COL4A1: variants seen among roughly 807,000 people sequenced by gnomAD.
COL4A1 encodes collagen alpha-1(IV) chain.
A neutral mutation model predicts 216.6 loss-of-function variants in COL4A1; 40 were observed. The observed-to-expected ratio is 0.18, with a 90% confidence interval of 0.14 to 0.24. The LOEUF (loss-of-function observed/expected upper bound fraction) is 0.24. Among genes scored for constraint, COL4A1 ranks in the 10% least tolerant of loss-of-function variants. The pLI, the probability that COL4A1 is intolerant of heterozygous loss-of-function variation, is 1.00. For missense variants in COL4A1, 1,628 were observed against 2,196.8 expected (o/e 0.74, Z 5.18); for synonymous variants, 839 against 810.7 (o/e 1.03, Z -0.59).
chr13:110,180,140 C>A (rs1878078473), intron 29 of COL4A1, among the ~76,000 whole-genome samples: 1 of 152,140 alleles, frequency 6.6e-6, no homozygotes, highest in African/African-American at 2.4e-5. Flanking sequence ...AGGAAATTCT[C>A]AAAATGGAAC....
At chr13:110,164,749 T>G (rs570266644) in intron 46 of COL4A1, 113 bp downstream of exon 46, 1 of 1,415,078 alleles carries the variant, frequency 7.1e-7, no homozygotes, top group Non-Finnish European at 9.5e-7. Context: ...TATTCATATG[T>G]GTGTGTATAA....
intron 1 of COL4A1, among the ~76,000 whole-genome samples, chr13:110,296,608 A>C (rs536504045): frequency 5.9e-5 from 9 of 152,342 alleles, no homozygotes; most frequent in Non-Finnish European, 7.3e-5. Context: ...CAAGCAAGCA[A>C]TCATTTCTTC....
chr13:110,189,216 A>C (rs1878527251), intron 24 of COL4A1, among the ~76,000 whole-genome samples: 1 of 152,218 alleles, frequency 6.6e-6, no homozygotes, highest in Non-Finnish European at 1.5e-5. Flanking sequence ...GGCATACGCC[A>C]CCACACCCAG....
At chr13:110,289,243 C>A (rs998823887) in intron 1 of COL4A1, among the ~76,000 whole-genome samples, 2 of 152,182 alleles carry the variant, frequency 1.3e-5, no homozygotes, top group Non-Finnish European at 2.9e-5. Flanking sequence ...CGCACCTAAG[C>A]CTGGAGGTAG....
chr13:110,166,473 A>T (rs181217810), intron 44 of COL4A1, among the ~76,000 whole-genome samples, 170 bp from the exon 45 acceptor site: 142 of 152,378 alleles, frequency 9.3e-4, no homozygotes, highest in African/African-American at 3.2e-3. Flanking sequence ...ACACATTCAT[A>T]CACCTGCTTA....
chr13:110,231,130 G>A lies in COL4A1; in HGVS notation c.144+11545C>T, dbSNP rs73613415. Among the ~76,000 whole-genome samples the A allele has an allele frequency of 3.2e-3, 486 of 152,356 alleles. 2 individuals are homozygous for A. Among genetic ancestry groups the A allele is most frequent in the African/African-American group, 0.011 (463 of 41,588 alleles). On this transcript the variant is annotated intron_variant, in intron 2 of 51. Coordinates refer to ENST00000375820, the MANE Select transcript of COL4A1 (RefSeq NM_001845.6). ...AGCCCGCGTGGTGAGGAGACAGTCA[G>A]TGTGGGAACAAGATCCACCGAGGTG...
intron 50 of COL4A1, among the ~76,000 whole-genome samples, chr13:110,154,098 T>A (rs1007501514): frequency 1.3e-5 from 2 of 152,228 alleles, no homozygotes; most frequent in Admixed American, 6.5e-5. Context: ...TAATAAATAA[T>A]GTTCATCTGT....
chr13:110,194,493 C>T (rs900462576), intron 22 of COL4A1, among the ~76,000 whole-genome samples: 11 of 152,012 alleles, frequency 7.2e-5, no homozygotes, highest in Admixed American at 5.9e-4. Flanking sequence ...GTGTCCTGTG[C>T]GGGTAGTAAG....
intron 1 of COL4A1, among the ~76,000 whole-genome samples, chr13:110,285,016 C>T (rs1460656985): frequency 1.3e-5 from 2 of 152,208 alleles, no homozygotes; most frequent in Non-Finnish European, 2.9e-5. Context: ...TGTAGCGAGG[C>T]ACATGCCCTC....
chr13:110,192,085 G>A lies in COL4A1; in HGVS notation c.1536+129C>T, dbSNP rs567072024. ...CGCATGGAGTCACTCCAGAGGGCTC[G>A]ACACAGCAACACTTACCAGCTCCCA... is the stretch of plus-strand genomic sequence containing the variant. On this transcript the variant is annotated intron_variant, in intron 24 of 51. Transcript: ENST00000375820. 183 of 943,708 alleles carry A rather than the reference G, an allele frequency of 1.9e-4. 1 individual carries two copies. The African/African-American group carries it at 2.5e-3, about 13-fold the overall frequency. The allele number at this position is 943,708 out of a possible 1,614,324, so 58.5% of individuals were successfully genotyped here.
chr13:110,293,859 T>C (rs775719367), intron 1 of COL4A1, among the ~76,000 whole-genome samples: 3 of 152,204 alleles, frequency 2.0e-5, no homozygotes, highest in Non-Finnish European at 4.4e-5. Context: ...TTCGCCAACA[T>C]ATTTTGCCAA....
intron 1 of COL4A1, among the ~76,000 whole-genome samples, chr13:110,247,670 C>T (rs1263660718): frequency 1.3e-5 from 2 of 151,690 alleles, no homozygotes; most frequent in Non-Finnish European, 3.0e-5. Context: ...ACCAAGAGGG[C>T]GCTCTTCTCA....
chr13:110,275,636 C>T (rs1284662543), intron 1 of COL4A1, among the ~76,000 whole-genome samples: 2 of 152,154 alleles, frequency 1.3e-5, no homozygotes, highest in African/African-American at 4.8e-5. Flanking sequence ...TGCCAACGCT[C>T]GGGGGCAACC....
chr13:110,191,535 T>C (rs1878626066), intron 24 of COL4A1: 2 of 581,872 alleles, frequency 3.4e-6, no homozygotes, highest in Admixed American at 3.2e-5. Flanking sequence ...TGCTCTTCTA[T>C]TTAGTGGATT....
chr13:110,219,438 A>T (rs1697506909), intron 2 of COL4A1, among the ~76,000 whole-genome samples: 1 of 152,050 alleles, frequency 6.6e-6, no homozygotes, highest in Non-Finnish European at 1.5e-5. Flanking sequence ...ATCATGCATA[A>T]AAAGCGTGGC....
At chr13:110,261,204 T>A (rs987966970) in intron 1 of COL4A1, among the ~76,000 whole-genome samples, 5 of 151,994 alleles carry the variant, frequency 3.3e-5, no homozygotes, top group Non-Finnish European at 5.9e-5. Context: ...GGCAGCCTGC[T>A]CCCCAGGAAG....
chr13:110,157,804 A>C (rs2138423578), intron 49 of COL4A1, among the ~76,000 whole-genome samples: 1 of 152,106 alleles, frequency 6.6e-6, no homozygotes, highest in East Asian at 1.9e-4. Context: ...AGAGACTTAG[A>C]CTCTTGGTGC....
intron 1 of COL4A1, among the ~76,000 whole-genome samples, chr13:110,278,064 C>T (rs1883492948): frequency 2.0e-5 from 3 of 152,176 alleles, no homozygotes; most frequent in Admixed American, 2.0e-4. Flanking sequence ...CTGAGAAGTA[C>T]ATACGTTAAC....
chr13:110,171,077 T>C (rs1472472678), intron 41 of COL4A1, among the ~76,000 whole-genome samples: 1 of 152,202 alleles, frequency 6.6e-6, no homozygotes, highest in South Asian at 2.1e-4. Context: ...CCTCACTCCA[T>C]CAGCACATGA....
Sources: gnomAD v4.1 joint callset for allele counts (sites outside exome capture counted in the v4.1 genomes callset) on GRCh38, gnomAD v4.1.1 for gene constraint, MANE v1.5 for transcripts, NCBI Gene and HGNC (gene_info 2026-07-23, HGNC 2026-07-21) for gene names.